Variants in PCDHA4 observed in about 807,000 individuals in gnomAD.
The protein encoded by PCDHA4 is protocadherin alpha-4.
PCDHA4 carries 49 observed loss-of-function variants against 61.4 expected under a neutral mutation model. The ratio of observed to expected loss-of-function variants is 0.80; its 90% confidence interval spans 0.63 to 1.01. PCDHA4 has a LOEUF of 1.01. Ranked by LOEUF, PCDHA4 falls within the 50% of genes least tolerant of loss-of-function variation. PCDHA4 has a pLI of 0.00. For missense variants in PCDHA4, 1,254 were observed against 1,235.8 expected (o/e 1.01, Z -0.22); for synonymous variants, 590 against 550.3 (o/e 1.07, Z -1.01).
At chr5:140,824,354 T>C (rs1554129867) in intron 1 of PCDHA4, 1 of 580,246 alleles carries the variant, frequency 1.7e-6, no homozygotes, top group African/African-American at 1.9e-5. Flanking sequence ...AATAATATTT[T>C]ATATTAGCAT....
intron 1 of PCDHA4, among the ~76,000 whole-genome samples, chr5:140,940,207 G>C (rs1554213216): frequency 2.6e-5 from 4 of 152,094 alleles, no homozygotes; most frequent in Non-Finnish European, 5.9e-5. Context: ...TAAAATTCAA[G>C]ATTGGCATTT....
At chr5:140,903,401 T>A (rs577425497) in intron 1 of PCDHA4, among the ~76,000 whole-genome samples, 2 of 152,336 alleles carry the variant, frequency 1.3e-5, no homozygotes, top group East Asian at 3.9e-4. Flanking sequence ...GAAACAGTAG[T>A]GCAGTCAGGA....
intron 1 of PCDHA4, chr5:140,870,461 C>A (rs1554164294): frequency 6.8e-6 from 11 of 1,614,128 alleles, no homozygotes; most frequent in Non-Finnish European, 9.3e-6. Context: ...AATGCGCCTG[C>A]GTTCGCACAG....
intron 3 of PCDHA4, among the ~76,000 whole-genome samples, chr5:140,995,470 T>C (rs543327839): frequency 5.6e-4 from 86 of 152,360 alleles, no homozygotes; most frequent in Middle Eastern, 3.4e-3. Flanking sequence ...TTGAAATTTT[T>C]CATTTAATAT....
chr5:140,829,728 G>A (rs1388921761), intron 1 of PCDHA4: 2 of 1,613,492 alleles, frequency 1.2e-6, no homozygotes, highest in Non-Finnish European at 1.7e-6. Flanking sequence ...CCGCCTCTGG[G>A]CAGCAACGTG....
intron 1 of PCDHA4, chr5:140,822,039 G>C (rs2150113101): frequency 1.2e-6 from 2 of 1,614,106 alleles, no homozygotes; most frequent in African/African-American, 2.7e-5. Flanking sequence ...TGAATTCTCG[G>C]ATCGACCGGG....
At chr5:140,940,611 C>T (rs782735444) in intron 1 of PCDHA4, among the ~76,000 whole-genome samples, 1 of 152,144 alleles carries the variant, frequency 6.6e-6, no homozygotes. Flanking sequence ...CTGCTCCTGG[C>T]TCCTGCAAAT....
At position 140,927,034 on chromosome 5, in the gene PCDHA4, G is replaced by A. The variant is rs782732545; in HGVS notation, c.2386-51915G>A. ...CTCCGCGGACTTGAGGCTGCCAGCG[G>A]CCGCTATGTCCTCGCGGAACTTTCG... On this transcript the variant is annotated intron_variant, in intron 1 of 3. Coordinates refer to ENST00000530339, the MANE Select transcript of PCDHA4 (RefSeq NM_018907.4). 6 of 1,612,400 alleles carry A rather than the reference G, an allele frequency of 3.7e-6. No individual in the cohort carries two copies. The East Asian group carries it at 8.9e-5, about 24-fold the overall frequency.
rs1554124493 is a variant in PCDHA4 at position 140,808,359 on chromosome 5, C to T, written c.1172C>T (p.Ser391Phe). ...VNGLVTCSLT[S>F]HVPFKLVSTF... ...GGGCTGGTCACCTGCTCCTTGACGT[C>T]CCACGTCCCCTTCAAGCTGGTGTCC... The change falls in exon 1 of 4, where the codon TCC becomes TTC. Residue 391 changes from serine to phenylalanine, a missense_variant. Coordinates refer to ENST00000530339, the MANE Select transcript of PCDHA4 (RefSeq NM_018907.4). 6.2e-7 allele frequency: 1 copy of T among 1,614,218 alleles called. No homozygotes were observed. Among genetic ancestry groups the T allele is most frequent in the Admixed American group, 1.7e-5 (1 of 60,038 alleles).
At chr5:140,996,302 CAA>C (rs2097720989) in intron 3 of PCDHA4, among the ~76,000 whole-genome samples, 1 of 152,274 alleles carries the variant, frequency 6.6e-6, no homozygotes, top group Non-Finnish European at 1.5e-5. Flanking sequence ...CAGATTGTAA[CAA>C]AGTAAGGGGG....
rs2150153746 is a variant in PCDHA4, at chr5:140,828,302, C to A, written c.2385+18730C>A. On this transcript the variant is annotated intron_variant, in intron 1 of 3. Coordinates refer to ENST00000530339, the MANE Select transcript of PCDHA4 (RefSeq NM_018907.4). Reference sequence around the variant, plus strand: ...CCTGTTCAGGATGGCCTCCAAAGACCGCGAGGACCTTCTGGAGGTAAATCT... The same window carrying A: ...CCTGTTCAGGATGGCCTCCAAAGACAGCGAGGACCTTCTGGAGGTAAATCT... The A allele has an allele frequency of 1.9e-6, 3 of 1,614,148 alleles. No homozygotes were observed. The Admixed American group carries it at 5.0e-5, about 27-fold the overall frequency.
chr5:141,009,649 C>G lies in PCDHA4; in HGVS notation c.2556C>G (p.Ser852=). The change falls in exon 4 of 4, where the codon TCC becomes TCG. Residue 852 remains serine, a synonymous_variant. Coordinates refer to ENST00000530339, the MANE Select transcript of PCDHA4 (RefSeq NM_018907.4). ...ATPEPEAGEV[S]PPVGAGVNSN... ...CAGAACCAGAGGCAGGAGAAGTGTC[C>G]CCTCCAGTCGGTGCGGGTGTCAACA... 1 of 1,613,646 alleles carries G rather than the reference C, an allele frequency of 6.2e-7. No homozygotes were observed. The highest frequency in any genetic ancestry group is 8.5e-7 in the Non-Finnish European group (1 of 1,179,816).
At chr5:140,998,099 CAGA>C (rs2097796305) in intron 3 of PCDHA4, among the ~76,000 whole-genome samples, 1 of 152,130 alleles carries the variant, frequency 6.6e-6, no homozygotes, top group African/African-American at 2.4e-5. Context: ...CTAGAGCAAA[CAGA>C]GGAGAAAATT....
Position 140,848,412 on chromosome 5 carries a change from A to G in PCDHA4, c.2385+38840A>G. ...CTCTGTGCTGAACGATGGCGAACAC[A>G]GCAGAATGGGACTGACGAAATCAGA... On this transcript the variant is annotated intron_variant, in intron 1 of 3. Coordinates refer to ENST00000530339, the MANE Select transcript of PCDHA4 (RefSeq NM_018907.4). 2 of 1,379,818 alleles carry G rather than the reference A, an allele frequency of 1.4e-6. 1 individual carries two copies. Among genetic ancestry groups the G allele is most frequent in the Non-Finnish European group, 2.0e-6 (2 of 1,001,964 alleles). 85.5% of individuals were successfully genotyped at this position (1,379,818 alleles called of 1,614,324 possible).
At chr5:140,934,901 T>C (rs1270837168) in intron 1 of PCDHA4, among the ~76,000 whole-genome samples, 1 of 152,192 alleles carries the variant, frequency 6.6e-6, no homozygotes, top group African/African-American at 2.4e-5. Flanking sequence ...CCTTTTATTT[T>C]GGAATAATTA....
Position 140,841,491 on chromosome 5 carries a change from C to A in PCDHA4, c.2385+31919C>A, listed in dbSNP as rs2150316592. The stretch of plus-strand genomic sequence containing the variant: ...GCGCAGGACCTGGGGCTGGAGCTGG[C>A]GGAGCTGGTGCCGCGCCTGTTCCGG... On this transcript the variant is annotated intron_variant, in intron 1 of 3. Coordinates refer to ENST00000530339, the MANE Select transcript of PCDHA4 (RefSeq NM_018907.4). 2.8e-5 allele frequency: 45 copies of A among 1,612,948 alleles called. No individual in the cohort carries two copies. Among genetic ancestry groups the A allele is most frequent in the African/African-American group, 1.5e-4 (11 of 74,822 alleles).
intron 1 of PCDHA4, chr5:140,843,270 T>C (rs1198092649): frequency 1.3e-6 from 2 of 1,595,942 alleles, no homozygotes; most frequent in African/African-American, 2.7e-5. Context: ...CTGCTGGTCC[T>C]GGTGAAGGAT....
rs144442302 is a variant in PCDHA4, at chr5:140,850,848, C to A, written c.2385+41276C>A. On this transcript the variant is annotated intron_variant, in intron 1 of 3. Coordinates refer to ENST00000530339, the MANE Select transcript of PCDHA4 (RefSeq NM_018907.4). ...TTCTCCTTGTGCTGGATCTACAGAG[C>A]GAACGGGAGAACCCTCTGCTTCCTC... is the stretch of plus-strand genomic sequence containing the variant. The A allele has an allele frequency of 1.4e-5, 23 of 1,596,174 alleles. 3 individuals are homozygous for A. In the Middle Eastern group the frequency reaches 5.0e-4, roughly 35 times the overall value.
At chr5:140,834,409 CA>C (rs1179533685) in intron 1 of PCDHA4, 2 of 1,610,410 alleles carry the variant, frequency 1.2e-6, no homozygotes, top group Non-Finnish European at 1.7e-6. Context: ...GGATACGACC[CA>C]GGGGGCCGAC....
Sources: allele counts gnomAD v4.1 joint callset (sites outside exome capture counted in the v4.1 genomes callset), GRCh38; gene constraint gnomAD v4.1.1; transcripts MANE v1.5; gene names NCBI Gene and HGNC (gene_info 2026-07-23, HGNC 2026-07-21).